Variants in SGCD observed in about 807,000 individuals in gnomAD.
The protein encoded by SGCD is delta-sarcoglycan.
A neutral mutation model predicts 36.6 loss-of-function variants in SGCD; 18 were observed. That is an observed-to-expected ratio of 0.49 (90% CI 0.34 to 0.73). The LOEUF (loss-of-function observed/expected upper bound fraction) is 0.73, where lower values mean the gene tolerates loss of function less well. SGCD is among the 30% of genes least tolerant of loss of function. SGCD has a pLI of 0.01. For missense variants in SGCD, 387 were observed against 346.7 expected, an observed-to-expected ratio of 1.12 and a Z score of -0.92; for synonymous variants, 133 against 130.6, an observed-to-expected ratio of 1.02 and a Z score of -0.12.
intron 3 of SGCD, among the ~76,000 whole-genome samples, chr5:156,360,843 A>C (rs1166757587): frequency 1.3e-5 from 2 of 151,898 alleles, no homozygotes; most frequent in African/African-American, 4.8e-5. Context: ...ACCATCCTTC[A>C]GTTGTCTGCA....
chr5:156,432,924 C>T (rs915516399), intron 3 of SGCD, among the ~76,000 whole-genome samples: 3 of 152,172 alleles, frequency 2.0e-5, no homozygotes, highest in African/African-American at 7.2e-5. Context: ...TCAGACCACG[C>T]TCCTTCCTAT....
At chr5:155,987,810 T>A (rs1224168846) in intron 1 of SGCD, among the ~76,000 whole-genome samples, 1 of 152,216 alleles carries the variant, frequency 6.6e-6, no homozygotes, top group African/African-American at 2.4e-5. Flanking sequence ...TCTCTCCAGA[T>A]GGCCTTCTGT....
intron 6 of SGCD, among the ~76,000 whole-genome samples, chr5:156,613,443 C>T (rs188253713): frequency 6.6e-6 from 1 of 152,316 alleles, no homozygotes; most frequent in East Asian, 1.9e-4. Flanking sequence ...ATTACACAGC[C>T]CTTTTCACAC....
At chr5:155,825,742 G>T in the SGCD span, among the ~76,000 whole-genome samples, 1,938 of 107,480 alleles carry the variant, frequency 0.018, 38 homozygotes, top group African/African-American at 0.05. Flanking sequence ...TTTTTTTTTT[G>T]TTGTTGTTGT....
chr5:156,296,466 G>C (rs1358402698), intron 3 of SGCD, among the ~76,000 whole-genome samples: 1 of 152,120 alleles, frequency 6.6e-6, no homozygotes, highest in Non-Finnish European at 1.5e-5. Context: ...GGCATTTATA[G>C]CTATAAATTT....
At chr5:155,972,952 T>C (rs1352046025) in intron 1 of SGCD, among the ~76,000 whole-genome samples, 2 of 152,192 alleles carry the variant, frequency 1.3e-5, no homozygotes, top group African/African-American at 2.4e-5. Context: ...ACCCTAGATA[T>C]GTCACATATG....
At chr5:156,448,658 G>T (rs1753851068) in intron 3 of SGCD, among the ~76,000 whole-genome samples, 1 of 151,544 alleles carries the variant, frequency 6.6e-6, no homozygotes, top group African/African-American at 2.4e-5. Context: ...GGCAACTCAT[G>T]GTGATGTGTT....
At chr5:156,558,774 G>C (rs1031377496) in intron 4 of SGCD, among the ~76,000 whole-genome samples, 1 of 152,186 alleles carries the variant, frequency 6.6e-6, no homozygotes, top group Non-Finnish European at 1.5e-5. Flanking sequence ...AGGAATTTTA[G>C]ACATCAGCCA....
chr5:155,908,034 G>A (rs903633201), intron 1 of SGCD, among the ~76,000 whole-genome samples: 12 of 152,104 alleles, frequency 7.9e-5, no homozygotes, highest in African/African-American at 2.4e-4. Context: ...ACCAACCATC[G>A]ACATTGAGGC....
chr5:156,578,608 T>C (rs887291827), intron 4 of SGCD, among the ~76,000 whole-genome samples: 10 of 152,244 alleles, frequency 6.6e-5, no homozygotes, highest in Admixed American at 6.5e-4. Context: ...TATTGGTCTA[T>C]TCAGAGATTC....
intron 1 of SGCD, among the ~76,000 whole-genome samples, chr5:156,040,680 C>G (rs768810449): frequency 6.6e-6 from 1 of 152,196 alleles, no homozygotes; most frequent in Non-Finnish European, 1.5e-5. Context: ...TGTGCAGGAT[C>G]TCTCATCCAG....
At chr5:155,853,799 C>G in the SGCD span, among the ~76,000 whole-genome samples, 1 of 152,054 alleles carries the variant, frequency 6.6e-6, no homozygotes, top group Non-Finnish European at 1.5e-5. Flanking sequence ...CATTTCTGAC[C>G]TTAGTTTCCC....
chr5:156,601,336 T>C (rs1375202196), intron 6 of SGCD, among the ~76,000 whole-genome samples: 1 of 152,210 alleles, frequency 6.6e-6, no homozygotes, highest in East Asian at 1.9e-4. Context: ...AGAGGTCTAA[T>C]CTCATTCTTC....
chr5:155,915,271 A>G (rs569225045), intron 1 of SGCD, among the ~76,000 whole-genome samples: 24 of 152,110 alleles, frequency 1.6e-4, no homozygotes, highest in African/African-American at 5.5e-4. Flanking sequence ...CTGTTTATGC[A>G]CTCTATGTGT....
At chr5:155,865,271 AT>A in the SGCD span, among the ~76,000 whole-genome samples, 44,428 of 151,976 alleles carry the variant, frequency 0.29, 7,960 homozygotes, top group Admixed American at 0.5. Flanking sequence ...TAATTTATAC[AT>A]TTTTTTAAAT....
At chr5:155,872,351 G>GCACACACACACACA (rs3085993) in intron 1 of SGCD, among the ~76,000 whole-genome samples, 2 of 145,080 alleles carry the variant, frequency 1.4e-5, no homozygotes, top group Admixed American at 7.0e-5. Flanking sequence ...CTTCTCTTCA[G>GCACACACACACACA]CACACACACA....
At chr5:155,853,342 A>T in the SGCD span, among the ~76,000 whole-genome samples, 8 of 152,226 alleles carry the variant, frequency 5.3e-5, no homozygotes, top group Admixed American at 1.3e-4. Flanking sequence ...TCAGTAGAAA[A>T]AATGGATTTG....
chr5:155,933,406 G>A (rs2113395210), intron 1 of SGCD, among the ~76,000 whole-genome samples: 1 of 152,156 alleles, frequency 6.6e-6, no homozygotes, highest in South Asian at 2.1e-4. Context: ...ATTATTTATG[G>A]TTTGTCTCTA....
At chr5:156,582,861 C>A (rs1280163434) in intron 4 of SGCD, among the ~76,000 whole-genome samples, 3 of 152,042 alleles carry the variant, frequency 2.0e-5, no homozygotes, top group African/African-American at 7.2e-5. Flanking sequence ...AGTAGGAGAA[C>A]CACTGATTTT....
Sources: allele counts gnomAD v4.1 joint callset (sites outside exome capture counted in the v4.1 genomes callset), GRCh38; gene constraint gnomAD v4.1.1; transcripts MANE v1.5; gene names NCBI Gene and HGNC (gene_info 2026-07-23, HGNC 2026-07-21).